The following ABHD17C variants were observed in gnomAD, a reference collection of about 807,000 sequenced individuals.
The protein encoded by ABHD17C is alpha/beta hydrolase domain-containing protein 17C.
Under a neutral mutation model 27.9 loss-of-function variants are expected in ABHD17C, and 11 were observed. The ratio of observed to expected loss-of-function variants is 0.39; its 90% CI spans 0.25 to 0.65. ABHD17C has a LOEUF of 0.65. Among genes scored for constraint, ABHD17C ranks in the 30% least tolerant of loss-of-function variants. The probability of loss-of-function intolerance (pLI) is 0.45; values close to 1 mark genes in which losing one functional copy is unlikely to be tolerated. For synonymous variants in ABHD17C, 233 were observed against 209.1 expected, an observed-to-expected ratio of 1.11 and a Z score of -0.98; for missense variants, 280 against 470.2, an observed-to-expected ratio of 0.60 and a Z score of 3.74.
intron 1 of ABHD17C, among the ~76,000 whole-genome samples, chr15:80,719,495 TCTCC>T (rs908211429): frequency 2.0e-5 from 3 of 152,222 alleles, no homozygotes; most frequent in Non-Finnish European, 2.9e-5. Context: ...GTTGCAAACA[TCTCC>T]ATTCTTTCTG....
At chr15:80,734,584 A>T (rs972481) in intron 1 of ABHD17C, among the ~76,000 whole-genome samples, 1 of 151,968 alleles carries the variant, frequency 6.6e-6, no homozygotes, top group African/African-American at 2.4e-5. Flanking sequence ...AAAATGGAAG[A>T]TAAAATTTTT....
chr15:80,707,809 A>G (rs1894669111), intron 1 of ABHD17C, among the ~76,000 whole-genome samples: 1 of 152,120 alleles, frequency 6.6e-6, no homozygotes, highest in African/African-American at 2.4e-5. Context: ...AAAGTACTGT[A>G]TTTGGGGATA....
chr15:80,723,136 ATATGTGTG>A (rs1206789543), intron 1 of ABHD17C, among the ~76,000 whole-genome samples: 65 of 92,488 alleles, frequency 7.0e-4, no homozygotes, highest in East Asian at 6.5e-3. Flanking sequence ...GTGTGTGTAT[ATATGTGTG>A]TGTGTGTGTG....
intron 1 of ABHD17C, among the ~76,000 whole-genome samples, chr15:80,719,652 T>C (rs2046390): frequency 0.89 from 136,292 of 152,296 alleles, 61,035 homozygotes; most frequent in East Asian, 0.98. Flanking sequence ...TTCCAGCCCA[T>C]TCAAAGATCA....
At chr15:80,743,506 A>T (rs1485280268) in intron 1 of ABHD17C, among the ~76,000 whole-genome samples, 1 of 152,204 alleles carries the variant, frequency 6.6e-6, no homozygotes, top group Non-Finnish European at 1.5e-5. Context: ...ACCTTTTCCC[A>T]TTGTGATACT....
chr15:80,713,900 CCACACACACACACACA>C (rs58311304), intron 1 of ABHD17C, among the ~76,000 whole-genome samples: 1 of 141,048 alleles, frequency 7.1e-6, no homozygotes, highest in Admixed American at 7.1e-5. Context: ...CATATACAGA[CCACACACACACACACA>C]CACACACACA....
At chr15:80,702,562 T>C (rs1272072556) in intron 1 of ABHD17C, 1 of 152,238 alleles carries the variant, frequency 6.6e-6, no homozygotes, top group African/African-American at 2.4e-5. Flanking sequence ...TTTAAGGTCA[T>C]TCCCTACCTT....
rs572350055 is a variant in ABHD17C, at chr15:80,720,844, C to T, written c.590+24825C>T. Among the ~76,000 whole-genome samples, 11 of 151,934 alleles carry T rather than the reference C, an allele frequency of 7.2e-5. 1 individual carries two copies. In the South Asian group the frequency reaches 2.3e-3, roughly 32 times the overall value. ...GCTGAGGCAGGAGAATCACTTGAAC[C>T]CGGGAGGTGGAGGTTGCAGTGAGCC... On this transcript the variant is annotated intron_variant, in intron 1 of 2. Transcript: ENST00000258884.
In ABHD17C at chr15:80,749,519, C is replaced by G; in HGVS notation, c.597C>G (p.Gly199=). The change falls in exon 2 of 3, where the codon GGC becomes GGG. Residue 199 remains glycine, a synonymous_variant. Coordinates refer to ENST00000258884, the MANE Select transcript of ABHD17C (RefSeq NM_021214.2). ...AAWQALRTRY[G]VSPENIILYG... is the part of the protein sequence containing the mutation. ...CAACCTCTGATTTCTCCAGGTATGGCGTGAGTCCCGAGAACATTATCCTCT... is the reference window on the plus strand; with the variant it reads ...CAACCTCTGATTTCTCCAGGTATGGGGTGAGTCCCGAGAACATTATCCTCT... 1 of 1,613,572 alleles carries G rather than the reference C, an allele frequency of 6.2e-7. No homozygotes were observed. Among genetic ancestry groups the G allele is most frequent in the South Asian group, 1.1e-5 (1 of 90,982 alleles).
intron 1 of ABHD17C, among the ~76,000 whole-genome samples, chr15:80,724,407 C>T (rs1210800652): frequency 6.6e-6 from 1 of 152,090 alleles, no homozygotes; most frequent in Non-Finnish European, 1.5e-5. Flanking sequence ...TACTTCTTTT[C>T]CATCAAAGCA....
chr15:80,747,980 A>G (rs1259544765), intron 1 of ABHD17C, among the ~76,000 whole-genome samples: 1 of 152,090 alleles, frequency 6.6e-6, no homozygotes, highest in African/African-American at 2.4e-5. Flanking sequence ...ATCCTAGCAC[A>G]TCCCCTGCCG....
chr15:80,726,501 G>GTTTTTTTT (rs10572505), intron 1 of ABHD17C, among the ~76,000 whole-genome samples: 3 of 94,508 alleles, frequency 3.2e-5, no homozygotes, highest in African/African-American at 1.6e-4. Flanking sequence ...TCTTTTTCTG[G>GTTTTTTTT]TTTTTTTTTT....
intron 1 of ABHD17C, among the ~76,000 whole-genome samples, chr15:80,717,630 C>T (rs1191787033): frequency 6.6e-6 from 1 of 152,220 alleles, no homozygotes; most frequent in African/African-American, 2.4e-5. Context: ...AAGTGATCCA[C>T]CCGCCTCGGC....
chr15:80,730,116 A>G (rs930267127), intron 1 of ABHD17C, among the ~76,000 whole-genome samples: 55 of 152,324 alleles, frequency 3.6e-4, no homozygotes, highest in African/African-American at 1.3e-3. Context: ...CTCAAAAAAA[A>G]AAAGCTGGGA....
intron 1 of ABHD17C, among the ~76,000 whole-genome samples, chr15:80,736,561 T>C (rs1316899561): frequency 6.6e-6 from 1 of 152,228 alleles, no homozygotes; most frequent in Non-Finnish European, 1.5e-5. Flanking sequence ...ATCTAAAGTT[T>C]ATAAAGTTAG....
At chr15:80,701,748 A>G (rs551318726) in intron 1 of ABHD17C, among the ~76,000 whole-genome samples, 226 of 152,304 alleles carry the variant, frequency 1.5e-3, no homozygotes, top group African/African-American at 5.0e-3. Context: ...ATTTCTACAA[A>G]GGAAATAGAA....
At chr15:80,703,074 A>G (rs1210464756) in intron 1 of ABHD17C, 1 of 152,220 alleles carries the variant, frequency 6.6e-6, no homozygotes. Context: ...AGGCACTTGC[A>G]TGTTTGGTGT....
chr15:80,723,737 A>AG (rs1323709421), intron 1 of ABHD17C, among the ~76,000 whole-genome samples: 19 of 152,350 alleles, frequency 1.2e-4, no homozygotes, highest in African/African-American at 4.6e-4. Flanking sequence ...TGGGGCACAC[A>AG]GAATCAGTGC....
intron 1 of ABHD17C, among the ~76,000 whole-genome samples, chr15:80,739,294 T>C (rs1459375457): frequency 6.6e-6 from 1 of 152,178 alleles, no homozygotes; most frequent in East Asian, 1.9e-4. Flanking sequence ...ACTGCCAGGT[T>C]CCACAGGCAA....
Sources: allele counts gnomAD v4.1 joint callset (sites outside exome capture counted in the v4.1 genomes callset), GRCh38; gene constraint gnomAD v4.1.1; transcripts MANE v1.5; gene names NCBI Gene and HGNC (gene_info 2026-07-23, HGNC 2026-07-21).